The following RGS6 variants were observed in gnomAD, a reference collection of about 807,000 sequenced individuals.
The protein encoded by RGS6 is regulator of G-protein signaling 6.
Under a neutral mutation model 78.5 loss-of-function variants are expected in RGS6, and 30 were observed. The ratio of observed to expected loss-of-function variants is 0.38; its 90% confidence interval spans 0.29 to 0.52. The LOEUF (loss-of-function observed/expected upper bound fraction) is 0.52. RGS6 is among the 20% of genes least tolerant of loss of function. The pLI, the probability that RGS6 is intolerant of heterozygous loss-of-function variation, is 0.85. For synonymous variants in RGS6, 206 were observed against 206.0 expected (o/e 1.00, Z 0.00); for missense variants, 495 against 609.7 (o/e 0.81, Z 1.98).
chr14:72,463,390 G>A (rs1365002363), intron 6 of RGS6, among the ~76,000 whole-genome samples: 1 of 152,200 alleles, frequency 6.6e-6, no homozygotes, highest in East Asian at 1.9e-4. Context: ...TCTGTGCCAA[G>A]AACAGCCACA....
the RGS6 span, among the ~76,000 whole-genome samples, chr14:72,571,704 A>G: frequency 1.3e-5 from 2 of 152,256 alleles, no homozygotes; most frequent in African/African-American, 2.4e-5. Context: ...TAATACTATC[A>G]CACTGTTAGA....
chr14:71,982,012 G>GA (rs1441475180), intron 2 of RGS6, among the ~76,000 whole-genome samples: 2 of 152,210 alleles, frequency 1.3e-5, no homozygotes, highest in Admixed American at 1.3e-4. Context: ...AAGCCCGTCG[G>GA]AAAAGCGCAG....
intron 3 of RGS6, among the ~76,000 whole-genome samples, chr14:72,446,916 G>T (rs1028568945): frequency 1.3e-5 from 2 of 152,088 alleles, no homozygotes; most frequent in Non-Finnish European, 2.9e-5. Flanking sequence ...GATGGGGAGG[G>T]GCTGTAAATA....
the RGS6 span, among the ~76,000 whole-genome samples, chr14:72,623,065 T>C: frequency 3.3e-5 from 5 of 152,202 alleles, no homozygotes; most frequent in Non-Finnish European, 7.3e-5. Context: ...ACAAGCAAGA[T>C]GGAGAAAACA....
chr14:71,984,692 A>G, intron 2 of RGS6, among the ~76,000 whole-genome samples: 1 of 152,268 alleles, frequency 6.6e-6, no homozygotes, highest in South Asian at 2.1e-4. Flanking sequence ...ATTTTATAAC[A>G]CTATATATAA....
At chr14:72,125,609 T>C (rs1038122800) in intron 2 of RGS6, among the ~76,000 whole-genome samples, 5 of 151,950 alleles carry the variant, frequency 3.3e-5, no homozygotes, top group Non-Finnish European at 7.4e-5. Flanking sequence ...GGAATATTTA[T>C]GGAATAAAGA....
chr14:72,058,075 GTT>G (rs112257816), intron 2 of RGS6, among the ~76,000 whole-genome samples: 13 of 134,942 alleles, frequency 9.6e-5, no homozygotes, highest in Admixed American at 7.4e-5. Context: ...TTTATGAGGT[GTT>G]TTTTTTTTTT....
intron 2 of RGS6, among the ~76,000 whole-genome samples, chr14:72,170,085 T>A (rs901633540): frequency 2.0e-5 from 3 of 152,156 alleles, no homozygotes; most frequent in African/African-American, 7.2e-5. Context: ...TCCAATTTTA[T>A]CATGATGAGG....
intron 5 of RGS6, among the ~76,000 whole-genome samples, chr14:72,459,210 C>G (rs560441970): frequency 6.6e-6 from 1 of 152,038 alleles, no homozygotes; most frequent in Non-Finnish European, 1.5e-5. Context: ...CAGATCCTTC[C>G]GTAGAGGGAA....
At chr14:72,561,800 A>G (rs2097679760) in intron 17 of RGS6, among the ~76,000 whole-genome samples, 1 of 152,222 alleles carries the variant, frequency 6.6e-6, no homozygotes, top group Admixed American at 6.5e-5. Context: ...AGAACATAGG[A>G]GACAGCAGGA....
intron 2 of RGS6, among the ~76,000 whole-genome samples, chr14:71,965,443 T>C (rs562155529): frequency 1.3e-5 from 2 of 152,334 alleles, no homozygotes; most frequent in South Asian, 4.1e-4. Flanking sequence ...TTTTAAAATA[T>C]GTGCAGGATT....
chr14:72,168,893 A>G (rs1193612040), intron 2 of RGS6, among the ~76,000 whole-genome samples: 1 of 152,154 alleles, frequency 6.6e-6, no homozygotes, highest in Non-Finnish European at 1.5e-5. Context: ...TGATATTTAT[A>G]GTCTATTTGG....
At chr14:72,271,077 T>G (rs1426938439) in intron 2 of RGS6, among the ~76,000 whole-genome samples, 5 of 152,242 alleles carry the variant, frequency 3.3e-5, no homozygotes, top group African/African-American at 1.2e-4. Context: ...CAGCCATGTG[T>G]CTGAGAGGCC....
At chr14:72,265,246 G>T (rs574771724) in intron 2 of RGS6, among the ~76,000 whole-genome samples, 2 of 152,108 alleles carry the variant, frequency 1.3e-5, no homozygotes, top group African/African-American at 2.4e-5. Flanking sequence ...ACGGTGCTGG[G>T]CATCCTTGCA....
intron 2 of RGS6, among the ~76,000 whole-genome samples, chr14:72,221,039 C>G (rs1226749773): frequency 6.6e-6 from 1 of 152,290 alleles, no homozygotes; most frequent in East Asian, 1.9e-4. Context: ...AAGACCTTGC[C>G]TAGCTTCTAA....
At chr14:72,029,149 C>A (rs1023507233) in intron 2 of RGS6, among the ~76,000 whole-genome samples, 3 of 152,188 alleles carry the variant, frequency 2.0e-5, no homozygotes, top group Admixed American at 2.0e-4. Flanking sequence ...TAGCAGGAAC[C>A]AGTTTTTCTT....
intron 13 of RGS6, among the ~76,000 whole-genome samples, chr14:72,506,296 A>G (rs28551720): frequency 0.014 from 2,074 of 152,328 alleles, 43 homozygotes; most frequent in African/African-American, 0.047. Context: ...ATAAAACTCT[A>G]CTAGAGAATA....
At chr14:71,882,683 T>C in the RGS6 span, among the ~76,000 whole-genome samples, 2 of 152,252 alleles carry the variant, frequency 1.3e-5, no homozygotes, top group African/African-American at 4.8e-5. Context: ...GAAAATGATT[T>C]CTGCCCAGGA....
chr14:72,511,193 A>C (rs137899751), intron 14 of RGS6, among the ~76,000 whole-genome samples: 199 of 152,284 alleles, frequency 1.3e-3, no homozygotes, highest in African/African-American at 4.5e-3. Flanking sequence ...TCTTTGTACC[A>C]GATTTTGGTT....
Sources: allele counts gnomAD v4.1 joint callset (sites outside exome capture counted in the v4.1 genomes callset), GRCh38; gene constraint gnomAD v4.1.1; transcripts MANE v1.5; gene names NCBI Gene and HGNC (gene_info 2026-07-23, HGNC 2026-07-21).